The following SGCD variants were observed in gnomAD, a reference collection of about 807,000 sequenced individuals.
The protein encoded by SGCD is delta-sarcoglycan.
A neutral mutation model predicts 36.6 loss-of-function variants in SGCD; 18 were observed. That is an observed-to-expected ratio of 0.49 (90% confidence interval 0.34 to 0.73). The LOEUF is 0.73. Ranked by LOEUF, SGCD falls within the 30% of genes least tolerant of loss-of-function variation. The probability of loss-of-function intolerance (pLI) is 0.01; values close to 1 mark genes in which losing one functional copy is unlikely to be tolerated. For missense variants in SGCD, 387 were observed against 346.7 expected, an observed-to-expected ratio of 1.12 and a Z score of -0.92; for synonymous variants, 133 against 130.6, an observed-to-expected ratio of 1.02 and a Z score of -0.12.
At position 156,563,312 on chromosome 5, in the gene SGCD, C is replaced by T. The variant is rs557616137; in HGVS notation, c.295-25919C>T. 2.6e-4 allele frequency among the ~76,000 whole-genome samples: 40 copies of T among 152,188 alleles called. No individual in the cohort carries two copies. The East Asian group carries it at 2.7e-3, about 10-fold the overall frequency. On this transcript the variant is annotated intron_variant, in intron 4 of 8. Transcript: ENST00000337851. The stretch of plus-strand genomic sequence containing the variant: ...ACCATTATTAACACTCTTAAGTAGG[C>T]ACTGTGCTAAGTACCCATCACCCTC...
intron 3 of SGCD, among the ~76,000 whole-genome samples, chr5:156,422,503 T>C (rs1302064232): frequency 6.6e-6 from 1 of 152,036 alleles, no homozygotes; most frequent in African/African-American, 2.4e-5. Flanking sequence ...GGAGCTACAC[T>C]TGAAATGCAG....
At chr5:156,251,834 G>A (rs909966822) in intron 3 of SGCD, among the ~76,000 whole-genome samples, 5 of 151,824 alleles carry the variant, frequency 3.3e-5, no homozygotes, top group African/African-American at 1.2e-4. Flanking sequence ...TTTAAAACTC[G>A]AAACTGTCTT....
chr5:156,736,714 C>T (rs374371093), intron 7 of SGCD, among the ~76,000 whole-genome samples: 1 of 152,188 alleles, frequency 6.6e-6, no homozygotes, highest in East Asian at 1.9e-4. Context: ...AGGGATTCTA[C>T]CACATACTGC....
intron 1 of SGCD, among the ~76,000 whole-genome samples, chr5:156,034,080 T>G (rs1197699511): frequency 2.6e-5 from 4 of 152,124 alleles, no homozygotes; most frequent in African/African-American, 7.2e-5. Context: ...TTTTTAATAG[T>G]CCCTCTCTCC....
intron 3 of SGCD, among the ~76,000 whole-genome samples, chr5:156,139,401 A>C (rs1762525067): frequency 6.6e-6 from 1 of 152,180 alleles, no homozygotes; most frequent in Admixed American, 6.6e-5. Context: ...GTTCATCAAA[A>C]GTTAGCTAGT....
At chr5:156,029,818 T>G (rs1237705312) in intron 1 of SGCD, among the ~76,000 whole-genome samples, 2 of 152,164 alleles carry the variant, frequency 1.3e-5, no homozygotes, top group African/African-American at 4.8e-5. Context: ...TTACCTAATT[T>G]TTTAAAAAAA....
At chr5:155,816,663 A>G in the SGCD span, among the ~76,000 whole-genome samples, 1 of 152,072 alleles carries the variant, frequency 6.6e-6, no homozygotes, top group Admixed American at 6.6e-5. Flanking sequence ...ACTGAAGGAG[A>G]GCTTCCTAGA....
chr5:155,961,301 T>G (rs1486780342), intron 1 of SGCD, among the ~76,000 whole-genome samples: 1 of 152,132 alleles, frequency 6.6e-6, no homozygotes, highest in Non-Finnish European at 1.5e-5. Flanking sequence ...TATTTTATTT[T>G]AATTTTTGAG....
At chr5:156,390,888 A>C (rs1287467038) in intron 3 of SGCD, among the ~76,000 whole-genome samples, 2 of 152,234 alleles carry the variant, frequency 1.3e-5, no homozygotes, top group Non-Finnish European at 2.9e-5. Context: ...CAAAAATAAA[A>C]GTTTATAAAG....
intron 4 of SGCD, among the ~76,000 whole-genome samples, chr5:156,572,000 T>C (rs561076556): frequency 4.6e-5 from 7 of 152,340 alleles, no homozygotes; most frequent in African/African-American, 1.7e-4. Context: ...TAGTATCATA[T>C]AGTATGTGGC....
chr5:155,758,033 TG>T, the SGCD span, among the ~76,000 whole-genome samples: 1 of 152,128 alleles, frequency 6.6e-6, no homozygotes, highest in Admixed American at 6.6e-5. Flanking sequence ...TACACAGAAC[TG>T]TGAGTTCTCC....
chr5:156,124,110 C>G (rs1160819206), intron 3 of SGCD: 2 of 152,134 alleles, frequency 1.3e-5, no homozygotes, highest in African/African-American at 4.8e-5. Context: ...TCCCCCTTTC[C>G]CTGACCTTCT....
intron 3 of SGCD, among the ~76,000 whole-genome samples, chr5:156,257,978 T>C (rs1447840975): frequency 6.6e-6 from 1 of 152,150 alleles, no homozygotes; most frequent in Non-Finnish European, 1.5e-5. Flanking sequence ...TGCGGTAAAA[T>C]GGGAAGGATT....
At chr5:156,256,866 G>T (rs1765728227) in intron 3 of SGCD, among the ~76,000 whole-genome samples, 2 of 152,060 alleles carry the variant, frequency 1.3e-5, no homozygotes, top group Admixed American at 6.5e-5. Context: ...TTATTGCAAT[G>T]ATATAAAAAT....
chr5:156,157,830 TCA>T (rs998437046), intron 3 of SGCD, among the ~76,000 whole-genome samples: 7 of 151,718 alleles, frequency 4.6e-5, no homozygotes, highest in Non-Finnish European at 1.0e-4. Context: ...TACAGTATAA[TCA>T]CAGTTTTTGA....
chr5:156,444,346 A>T (rs531959603), intron 3 of SGCD, among the ~76,000 whole-genome samples: 2 of 152,122 alleles, frequency 1.3e-5, no homozygotes, highest in African/African-American at 4.8e-5. Context: ...CTACACAAAA[A>T]ATAATATTTC....
chr5:156,236,345 A>G lies in SGCD; in HGVS notation c.-43-93189A>G, dbSNP rs1453125580. 2.0e-5 allele frequency among the ~76,000 whole-genome samples: 3 copies of G among 152,222 alleles called. No individual in the cohort carries two copies. The East Asian group carries it at 5.8e-4, about 29-fold the overall frequency. ...AGCTGTAGTGAGTTCTTACTTTATG[A>G]CAATTCACTATTCTACCACCTAAAG... is the stretch of plus-strand genomic sequence containing the variant. On this transcript the variant is annotated intron_variant, in intron 3 of 9. Coordinates refer to the SGCD transcript ENST00000517913.
chr5:156,030,885 G>A (rs974773733), intron 1 of SGCD, among the ~76,000 whole-genome samples: 1 of 152,208 alleles, frequency 6.6e-6, no homozygotes, highest in Non-Finnish European at 1.5e-5. Flanking sequence ...CATGGACTGT[G>A]TCTAGGGAGA....
intron 3 of SGCD, among the ~76,000 whole-genome samples, chr5:156,206,366 G>GCCA (rs1260240064): frequency 1.2e-4 from 18 of 151,832 alleles, no homozygotes; most frequent in African/African-American, 4.1e-4. Flanking sequence ...TATTTTTTTG[G>GCCA]ATAAAACACT....
Sources: allele counts gnomAD v4.1 joint callset (sites outside exome capture counted in the v4.1 genomes callset), GRCh38; gene constraint gnomAD v4.1.1; transcripts MANE v1.5; gene names NCBI Gene and HGNC (gene_info 2026-07-23, HGNC 2026-07-21).